The following GALNT13 variants were observed in gnomAD, a reference collection of about 807,000 sequenced individuals.
GALNT13 encodes UDP-GalNAc:polypeptide N-acetylgalactosaminyltransferase 13.
In GALNT13, 28 loss-of-function variants were observed where a neutral mutation model predicts 64.2. That is an observed-to-expected ratio of 0.44 (90% CI 0.32 to 0.60). The LOEUF (loss-of-function observed/expected upper bound fraction) is 0.60, where lower values mean the gene tolerates loss of function less well. GALNT13 is among the 20% of genes least tolerant of loss of function. The pLI is 0.05. For missense variants in GALNT13, 577 were observed against 669.8 expected (o/e 0.86, Z 1.53); for synonymous variants, 214 against 224.6 (o/e 0.95, Z 0.42).
chr2:153,070,413 C>A, the GALNT13 span, among the ~76,000 whole-genome samples: 3 of 152,034 alleles, frequency 2.0e-5, no homozygotes, highest in Non-Finnish European at 2.9e-5. Context: ...ATGCATTTTT[C>A]AAAAACCATA....
chr2:153,143,639 A>C, the GALNT13 span, among the ~76,000 whole-genome samples: 1 of 152,020 alleles, frequency 6.6e-6, no homozygotes, highest in East Asian at 1.9e-4. Flanking sequence ...GAAATAGTTT[A>C]ATTTGGTAGA....
chr2:153,140,197 AT>A, the GALNT13 span, among the ~76,000 whole-genome samples: 2 of 152,010 alleles, frequency 1.3e-5, no homozygotes, highest in Non-Finnish European at 2.9e-5. Flanking sequence ...TACAGCTAAT[AT>A]TTTTTGAGCA....
chr2:153,738,562 T>A, the GALNT13 span, among the ~76,000 whole-genome samples: 3 of 151,986 alleles, frequency 2.0e-5, no homozygotes, highest in Non-Finnish European at 2.9e-5. Context: ...ACTCTCTTAG[T>A]ATTGCTCTTT....
intron 3 of GALNT13, among the ~76,000 whole-genome samples, chr2:154,099,485 A>G (rs1479263788): frequency 6.6e-6 from 1 of 151,980 alleles, no homozygotes; most frequent in Non-Finnish European, 1.5e-5. Flanking sequence ...ATCGTAAATT[A>G]TTTACCTAGT....
At chr2:154,093,393 G>A (rs1247367799) in intron 3 of GALNT13, among the ~76,000 whole-genome samples, 3 of 151,818 alleles carry the variant, frequency 2.0e-5, no homozygotes, top group African/African-American at 7.2e-5. Context: ...TTAAATTTTA[G>A]CTAAGTACAG....
chr2:153,522,350 G>A, the GALNT13 span, among the ~76,000 whole-genome samples: 1 of 151,244 alleles, frequency 6.6e-6, no homozygotes, highest in Non-Finnish European at 1.5e-5. Flanking sequence ...AAAAAATAAA[G>A]AGAGAGAGAG....
the GALNT13 span, among the ~76,000 whole-genome samples, chr2:153,624,725 G>T: frequency 6.6e-6 from 1 of 151,724 alleles, no homozygotes; most frequent in Non-Finnish European, 1.5e-5. Flanking sequence ...AAACCTTGTG[G>T]TCTGCTCTAA....
the GALNT13 span, among the ~76,000 whole-genome samples, chr2:153,680,164 G>A: frequency 6.6e-6 from 1 of 151,802 alleles, no homozygotes; most frequent in African/African-American, 2.4e-5. Context: ...AATGAATATA[G>A]GGGATGTGAA....
chr2:154,297,148 A>G (rs566747649), intron 8 of GALNT13, among the ~76,000 whole-genome samples: 3 of 151,692 alleles, frequency 2.0e-5, no homozygotes, highest in Non-Finnish European at 4.4e-5. Flanking sequence ...TCACAGTGCA[A>G]TGAGAAACCA....
chr2:154,026,062 C>A (rs1026250920), intron 3 of GALNT13, among the ~76,000 whole-genome samples: 9 of 151,924 alleles, frequency 5.9e-5, no homozygotes, highest in African/African-American at 1.9e-4. Context: ...GGAGTAAGAA[C>A]ATAGTAGATT....
intron 3 of GALNT13, among the ~76,000 whole-genome samples, chr2:153,986,079 A>G (rs1455296977): frequency 6.6e-6 from 1 of 152,068 alleles, no homozygotes; most frequent in East Asian, 1.9e-4. Flanking sequence ...ATCGGGCATG[A>G]GACTATCTGA....
chr2:154,191,704 C>T (rs1346450279), intron 4 of GALNT13, among the ~76,000 whole-genome samples: 1 of 152,110 alleles, frequency 6.6e-6, no homozygotes, highest in Non-Finnish European at 1.5e-5. Flanking sequence ...CTCGCTTCTT[C>T]GGTGCCCCAC....
intron 4 of GALNT13, among the ~76,000 whole-genome samples, chr2:154,210,792 A>G (rs1687715745): frequency 6.6e-6 from 1 of 152,146 alleles, no homozygotes; most frequent in South Asian, 2.1e-4. Flanking sequence ...TTCTGATAAG[A>G]GAATTATGGT....
the GALNT13 span, among the ~76,000 whole-genome samples, chr2:153,477,051 T>A: frequency 2.0e-5 from 3 of 152,142 alleles, no homozygotes; most frequent in African/African-American, 7.2e-5. Context: ...GGGGCCCTTC[T>A]GTCGTCTCGC....
chr2:153,702,909 C>T, the GALNT13 span, among the ~76,000 whole-genome samples: 2 of 151,928 alleles, frequency 1.3e-5, no homozygotes, highest in South Asian at 2.1e-4. Context: ...ATGAAAAGTC[C>T]AAGGATTAAG....
At chr2:154,333,989 A>T (rs1033806387) in intron 9 of GALNT13, among the ~76,000 whole-genome samples, 1 of 152,096 alleles carries the variant, frequency 6.6e-6, no homozygotes, top group Non-Finnish European at 1.5e-5. Context: ...CTTCACAGAC[A>T]GCTGAGTTCA....
intron 3 of GALNT13, among the ~76,000 whole-genome samples, chr2:154,019,658 G>C (rs1443435815): frequency 1.5e-5 from 2 of 131,008 alleles, no homozygotes; most frequent in Non-Finnish European, 3.3e-5. Flanking sequence ...ACACACAAAA[G>C]CAAGAAAAAT....
intron 3 of GALNT13, among the ~76,000 whole-genome samples, chr2:154,045,937 T>C (rs1001802149): frequency 6.6e-6 from 1 of 150,798 alleles, no homozygotes; most frequent in Non-Finnish European, 1.5e-5. Flanking sequence ...TAAGTCTTTT[T>C]TTTCCTGTTC....
intron 2 of GALNT13, among the ~76,000 whole-genome samples, chr2:153,928,629 T>A (rs1690310113): frequency 6.6e-6 from 1 of 152,184 alleles, no homozygotes; most frequent in South Asian, 2.1e-4. Flanking sequence ...CTATGATAAA[T>A]TTTTAGGTTG....
Sources: gnomAD v4.1 joint callset for allele counts (sites outside exome capture counted in the v4.1 genomes callset) on GRCh38, gnomAD v4.1.1 for gene constraint, MANE v1.5 for transcripts, NCBI Gene and HGNC (gene_info 2026-07-23, HGNC 2026-07-21) for gene names.